ZCCHC2: variants seen among roughly 807,000 people sequenced by gnomAD.
ZCCHC2 encodes zinc finger CCHC domain-containing protein 2.
A neutral mutation model predicts 103.6 loss-of-function variants in ZCCHC2; 39 were observed. The ratio of observed to expected loss-of-function variants is 0.38; its 90% CI spans 0.29 to 0.49. ZCCHC2 has a LOEUF of 0.49. Ranked by LOEUF, ZCCHC2 falls within the 20% of genes least tolerant of loss-of-function variation. The pLI is 0.96. For synonymous variants in ZCCHC2, 687 were observed against 608.9 expected, an observed-to-expected ratio of 1.13 and a Z score of -1.89; for missense variants, 1,483 against 1,491.0, an observed-to-expected ratio of 0.99 and a Z score of 0.09.
chr18:62,550,060 G>A (rs1410325865), intron 4 of ZCCHC2, among the ~76,000 whole-genome samples: 1 of 152,324 alleles, frequency 6.6e-6, no homozygotes, highest in East Asian at 1.9e-4. Context: ...GAGCCAGAGT[G>A]TAAGGTCCAT....
rs183271943 is a variant in ZCCHC2 at position 62,549,046 on chromosome 18, T to C, written c.1201-1302T>C. Among the ~76,000 whole-genome samples, 821 of 151,634 alleles carry C rather than the reference T, an allele frequency of 5.4e-3. 6 individuals are homozygous for C. The highest frequency in any genetic ancestry group is 0.016 in the African/African-American group (674 of 41,320). ...CATCCTGACTAACACGGTGAAACCC[T>C]GTCTCTACTAAAAATACAAAAAATT... is the stretch of plus-strand genomic sequence containing the variant. On this transcript the variant is annotated intron_variant, in intron 4 of 13. Coordinates refer to ENST00000269499, the MANE Select transcript of ZCCHC2 (RefSeq NM_017742.6).
chr18:62,563,915 G>T (rs1183883122), intron 9 of ZCCHC2, among the ~76,000 whole-genome samples: 1 of 152,160 alleles, frequency 6.6e-6, no homozygotes, highest in Non-Finnish European at 1.5e-5. Context: ...TCAGAGAGCA[G>T]AATGCTGTTA....
At chr18:62,529,720 G>A (rs1466227574) in intron 1 of ZCCHC2, among the ~76,000 whole-genome samples, 3 of 152,174 alleles carry the variant, frequency 2.0e-5, no homozygotes, top group African/African-American at 7.2e-5. Context: ...TAAGTCTCAT[G>A]TATACCATGG....
intron 4 of ZCCHC2, among the ~76,000 whole-genome samples, 153 bp from the exon 5 acceptor site, chr18:62,550,195 T>C (rs1915603273): frequency 6.6e-6 from 1 of 152,240 alleles, no homozygotes; most frequent in Non-Finnish European, 1.5e-5. Flanking sequence ...TGCTTCATTA[T>C]GGGGTCAGAT....
At position 62,524,358 on chromosome 18, in the gene ZCCHC2, G is replaced by T. The variant is rs749824507; in HGVS notation, c.934G>T (p.Ala312Ser). 3.3e-6 allele frequency: 5 copies of T among 1,518,848 alleles called. No individual in the cohort carries two copies. The South Asian group carries it at 6.2e-5, about 19-fold the overall frequency. 94.1% of individuals were successfully genotyped at this position (1,518,848 alleles called of 1,614,324 possible). A position where few individuals can be genotyped will look rare whatever the true frequency, so the allele number is the denominator to read the frequency against. ...VEPCKFAGPR[A>S]QNNSAHGDYM... is the part of the protein sequence containing the mutation. Reference sequence around the variant, plus strand: ...GCCGTGCAAGTTTGCCGGCCCCAGGGCCCAGGTAAGGCGCACGGAGCCTCC... The same window carrying T: ...GCCGTGCAAGTTTGCCGGCCCCAGGTCCCAGGTAAGGCGCACGGAGCCTCC... Residue 312 changes from alanine (A) to serine (S), a missense_variant, in exon 1 of 14, where the codon GCC becomes TCC. This residue lies in a region of ZCCHC2 where 568 missense variants were observed against 525.1 expected (regional missense o/e 1.08). Transcript: ENST00000269499.
chr18:62,543,134 T>C (rs1915270343), intron 3 of ZCCHC2, among the ~76,000 whole-genome samples: 1 of 152,144 alleles, frequency 6.6e-6, no homozygotes, highest in Non-Finnish European at 1.5e-5. Flanking sequence ...CTGCTTGAGC[T>C]ACGCCTTTTC....
chr18:62,523,376 G>GGGGGGGGCCCCCC lies in ZCCHC2; in HGVS notation c.-49_-48insGGGGGGGCCCCCC. ...GCCTCGGCCCGTGCTCCACCTCGCG[G>GGGGGGGGCCCCCC]CCCCTCCCGCCCGCCCCCGCTCGCA... On this transcript the variant is annotated 5_prime_UTR_variant, in exon 1 of 14. Transcript: ENST00000269499. 8.9e-6 allele frequency: 9 copies of GGGGGGGGCCCCCC among 1,012,344 alleles called. No homozygotes were observed. The highest frequency in any genetic ancestry group is 3.7e-5 in the South Asian group (1 of 27,158). 62.7% of individuals were successfully genotyped at this position (1,012,344 alleles called of 1,614,324 possible). A position where few individuals can be genotyped will look rare whatever the true frequency, so the allele number is the denominator to read the frequency against.
Position 62,543,083 on chromosome 18 carries a change from CTG to C in ZCCHC2, c.1128+511_1128+512del, listed in dbSNP as rs144637036. On this transcript the variant is annotated intron_variant, in intron 3 of 13. Coordinates refer to ENST00000269499, the MANE Select transcript of ZCCHC2 (RefSeq NM_017742.6). ...TGCATGTCTTCTTCTTGCCCGTCAG[CTG>C]TATCGGGAATTCCTTGTCCACATCT... Among the ~76,000 whole-genome samples the C allele has an allele frequency of 3.9e-5, 6 of 152,288 alleles. No homozygotes were observed. The East Asian group carries it at 1.2e-3, about 29-fold the overall frequency.
At chr18:62,541,886 T>G (rs8097285) in intron 2 of ZCCHC2, among the ~76,000 whole-genome samples, 2 of 152,248 alleles carry the variant, frequency 1.3e-5, no homozygotes, top group South Asian at 4.1e-4. Context: ...AATTTATGTT[T>G]ACTATTTTAT....
chr18:62,555,269 G>A (rs1407912817), intron 5 of ZCCHC2, among the ~76,000 whole-genome samples: 1 of 152,136 alleles, frequency 6.6e-6, no homozygotes, highest in Non-Finnish European at 1.5e-5. Context: ...CCACTGTCGG[G>A]AAGACCTCCA....
rs1916543698 is a variant in ZCCHC2, at chr18:62,570,292, G to A, written c.1975+61G>A. ...CAGGGGTGGGGAAGTGGAGGGAAAT[G>A]TGTGTTGTTTCTTCATGTCAAAGTC... is the stretch of plus-strand genomic sequence containing the variant. On this transcript the variant is annotated intron_variant, in intron 12 of 13. Coordinates refer to ENST00000269499, the MANE Select transcript of ZCCHC2 (RefSeq NM_017742.6). 15 of 1,568,632 alleles carry A rather than the reference G, an allele frequency of 9.6e-6. No homozygotes were observed. The Middle Eastern group carries it at 6.7e-4, about 70-fold the overall frequency.
chr18:62,564,182 CTA>C (rs1352370878), intron 9 of ZCCHC2, among the ~76,000 whole-genome samples: 11 of 152,208 alleles, frequency 7.2e-5, no homozygotes, highest in Non-Finnish European at 1.5e-4. Context: ...TTTCCCTCCC[CTA>C]CTCCAGTGCC....
At chr18:62,569,305 C>G (rs1916495979) in intron 11 of ZCCHC2, among the ~76,000 whole-genome samples, 1 of 152,040 alleles carries the variant, frequency 6.6e-6, no homozygotes, top group Non-Finnish European at 1.5e-5. Context: ...CAATTAATAC[C>G]CATTATCTTT....
At chr18:62,557,131 C>G (rs1172720173) in intron 6 of ZCCHC2, among the ~76,000 whole-genome samples, 11 of 152,188 alleles carry the variant, frequency 7.2e-5, no homozygotes, top group Admixed American at 7.2e-4. Flanking sequence ...GCCAGTTTTT[C>G]TTATGTTCCG....
At chr18:62,573,674 T>G (rs992288891) in intron 12 of ZCCHC2, among the ~76,000 whole-genome samples, 6 of 152,198 alleles carry the variant, frequency 3.9e-5, no homozygotes, top group African/African-American at 1.4e-4. Context: ...TGCGACAAAT[T>G]GAAGAACTTG....
chr18:62,529,719 T>C (rs1018306859), intron 1 of ZCCHC2, among the ~76,000 whole-genome samples: 1 of 152,192 alleles, frequency 6.6e-6, no homozygotes, highest in Non-Finnish European at 1.5e-5. Context: ...CTAAGTCTCA[T>C]GTATACCATG....
intron 2 of ZCCHC2, among the ~76,000 whole-genome samples, chr18:62,542,289 A>G (rs939193344): frequency 3.3e-5 from 5 of 152,306 alleles, no homozygotes; most frequent in African/African-American, 7.2e-5. Context: ...GGTATAGAAA[A>G]AAATTTTTTT....
At chr18:62,531,763 T>A (rs1440102795) in intron 1 of ZCCHC2, among the ~76,000 whole-genome samples, 1 of 146,182 alleles carries the variant, frequency 6.8e-6, no homozygotes, top group East Asian at 2.0e-4. Flanking sequence ...CTCTGACAAC[T>A]TAGTGAGATC....
chr18:62,560,346 C>G, intron 7 of ZCCHC2: 1 of 373,746 alleles, frequency 2.7e-6, no homozygotes, highest in South Asian at 9.0e-5. Flanking sequence ...TATAGACTTT[C>G]ATAGTTTTGA....
Sources: gnomAD v4.1 joint callset for allele counts (sites outside exome capture counted in the v4.1 genomes callset) on GRCh38, gnomAD v4.1.1 for gene constraint, gnomAD v4.1.1 regional missense constraint, MANE v1.5 for transcripts, NCBI Gene and HGNC (gene_info 2026-07-23, HGNC 2026-07-21) for gene names.